The following RFT1 variants were observed in gnomAD, a reference collection of about 807,000 sequenced individuals.
RFT1 encodes man(5)GlcNAc(2)-PP-dolichol translocation protein RFT1.
Under a neutral mutation model 62.2 loss-of-function variants are expected in RFT1, and 43 were observed. The ratio of observed to expected loss-of-function variants is 0.69; its 90% CI spans 0.54 to 0.89. The LOEUF is 0.89. Ranked by LOEUF, RFT1 falls within the 40% of genes least tolerant of loss-of-function variation. The pLI is 0.00. For missense variants in RFT1, 605 were observed against 649.9 expected, an observed-to-expected ratio of 0.93 and a Z score of 0.75; for synonymous variants, 262 against 264.6, an observed-to-expected ratio of 0.99 and a Z score of 0.10.
chr3:53,093,653 GGAGGATTGCTT>G (rs1701058743), intron 11 of RFT1, among the ~76,000 whole-genome samples: 1 of 152,072 alleles, frequency 6.6e-6, no homozygotes, highest in Non-Finnish European at 1.5e-5. Context: ...TGAAGTGGTG[GGAGGATTGCTT>G]GAGGCCAGGA....
intron 6 of RFT1, among the ~76,000 whole-genome samples, chr3:53,112,586 T>C (rs1160222250): frequency 6.6e-6 from 1 of 152,026 alleles, no homozygotes; most frequent in Non-Finnish European, 1.5e-5. Flanking sequence ...CTACTAAAAA[T>C]ACAAAAATTA....
At chr3:53,073,359 C>A in the RFT1 span, among the ~76,000 whole-genome samples, 1 of 152,218 alleles carries the variant, frequency 6.6e-6, no homozygotes, top group Admixed American at 6.5e-5. Context: ...CCTCTGGACA[C>A]CCCCACCTGT....
chr3:53,086,909 G>A (rs1342149559), downstream of RFT1, among the ~76,000 whole-genome samples: 1 of 152,118 alleles, frequency 6.6e-6, no homozygotes, highest in Non-Finnish European at 1.5e-5. Flanking sequence ...ACTTGCCATC[G>A]GTGCCTGGCC....
At chr3:53,085,072 G>C (rs142350413), downstream of RFT1, among the ~76,000 whole-genome samples, 5 of 142,644 alleles carry the variant, frequency 3.5e-5, no homozygotes, top group African/African-American at 1.2e-4. Context: ...AAGCAAGGAG[G>C]AGGGAGGGGG....
chr3:53,121,555 A>T (rs1020332620), intron 5 of RFT1, 144 bp downstream of exon 5: 1 of 696,940 alleles, frequency 1.4e-6, no homozygotes. Flanking sequence ...CTAGAGAAGC[A>T]GTGCTAAGGC....
At chr3:53,111,287 T>A (rs1006299791) in intron 7 of RFT1, among the ~76,000 whole-genome samples, 1 of 151,812 alleles carries the variant, frequency 6.6e-6, no homozygotes, top group African/African-American at 2.4e-5. Flanking sequence ...GCACCTATAG[T>A]CCCAGCTACT....
At chr3:53,080,253 G>A in the RFT1 span, among the ~76,000 whole-genome samples, 2 of 152,180 alleles carry the variant, frequency 1.3e-5, no homozygotes, top group African/African-American at 4.8e-5. Flanking sequence ...GGAGGTGTGC[G>A]GAATGTGTGT....
the RFT1 span, among the ~76,000 whole-genome samples, chr3:53,079,912 T>C: frequency 1.4e-5 from 2 of 146,980 alleles, no homozygotes; most frequent in Non-Finnish European, 2.9e-5. Context: ...GGTGAGGACA[T>C]TGGCAATTGG....
chr3:53,083,200 CAAAAA>C, the RFT1 span, among the ~76,000 whole-genome samples: 1 of 39,402 alleles, frequency 2.5e-5, no homozygotes, highest in Non-Finnish European at 4.1e-5. Context: ...GATTCCATCT[CAAAAA>C]AAAAAAAAAA....
chr3:53,072,297 C>T, the RFT1 span, among the ~76,000 whole-genome samples: 2 of 152,246 alleles, frequency 1.3e-5, no homozygotes, highest in African/African-American at 4.8e-5. Flanking sequence ...GAACCCTGGT[C>T]CACCCTTGCT....
the RFT1 span, among the ~76,000 whole-genome samples, chr3:53,080,337 C>T: frequency 6.6e-6 from 1 of 152,190 alleles, no homozygotes; most frequent in African/African-American, 2.4e-5. Context: ...AGGCTAAGGA[C>T]ACCTCAAATC....
At chr3:53,086,408 C>T (rs1338395945), downstream of RFT1, among the ~76,000 whole-genome samples, 2 of 152,092 alleles carry the variant, frequency 1.3e-5, no homozygotes, top group Admixed American at 6.5e-5. Context: ...CTCTGCCTCC[C>T]GGGTTCAAGT....
At chr3:53,069,894 C>A in the RFT1 span, among the ~76,000 whole-genome samples, 2 of 152,200 alleles carry the variant, frequency 1.3e-5, no homozygotes, top group Admixed American at 6.5e-5. Flanking sequence ...GTGGCAATTA[C>A]AAGGACTGAG....
chr3:53,092,588 G>A lies in RFT1; in HGVS notation c.1239C>T (p.Ser413=), dbSNP rs373979457. 1 of 1,612,294 alleles carries A rather than the reference G, an allele frequency of 6.2e-7. No individual in the cohort carries two copies. Among genetic ancestry groups the A allele is most frequent in the Admixed American group, 1.7e-5 (1 of 59,792 alleles). The change falls in exon 12 of 13, where the codon TCC becomes TCT. Residue 413 remains serine (S), a synonymous_variant. Transcript: ENST00000296292. ...RYNFVMLALS[S]SFLVLSYLLT... ...AGAGATAGGATAACACCAGGAATGA[G>A]GAGGACAGGGCCAGCATCACAAAAT...
downstream of RFT1, among the ~76,000 whole-genome samples, chr3:53,087,784 G>A (rs1013188005): frequency 5.3e-5 from 8 of 152,346 alleles, no homozygotes; most frequent in Admixed American, 3.9e-4. Flanking sequence ...GCCTCCGAAA[G>A]TGTTGAGATT....
chr3:53,119,838 C>A, intron 6 of RFT1, 46 bp downstream of exon 6: 1 of 1,517,938 alleles, frequency 6.6e-7, no homozygotes, highest in Non-Finnish European at 9.0e-7. Flanking sequence ...CAAGGATAAG[C>A]AGCACCTATG....
intron 10 of RFT1, 85 bp downstream of exon 10, chr3:53,103,868 T>C: frequency 6.5e-7 from 1 of 1,528,364 alleles, no homozygotes; most frequent in Non-Finnish European, 9.1e-7. Flanking sequence ...AGATAACAAC[T>C]GTGTGTGCAC....
At position 53,091,450 on chromosome 3, in the gene RFT1, T is replaced by TGA; in HGVS notation, c.*451_*452dup. ...CCACACTCTGTTTCCATGTGGTGCA[T>TGA]GAGAGAGAGAGGTTTCTCTCTCTCT... On this transcript the variant is annotated 3_prime_UTR_variant, in exon 13 of 13. Transcript: ENST00000296292. The TGA allele has an allele frequency of 5.0e-6, 1 of 201,614 alleles. No homozygotes were observed. The highest frequency in any genetic ancestry group is 1.0e-5 in the Non-Finnish European group (1 of 96,354). The allele number at this position is 201,614 out of a possible 1,614,324, so 12.5% of individuals were successfully genotyped here.
chr3:53,124,330 C>T (rs775640762), intron 2 of RFT1, among the ~76,000 whole-genome samples: 7 of 152,172 alleles, frequency 4.6e-5, no homozygotes, highest in Non-Finnish European at 1.0e-4. Flanking sequence ...CAAGGCGTGC[C>T]TGGGTACCTC....
Sources: allele counts gnomAD v4.1 joint callset (sites outside exome capture counted in the v4.1 genomes callset), GRCh38; gene constraint gnomAD v4.1.1; transcripts MANE v1.5; gene names NCBI Gene and HGNC (gene_info 2026-07-23, HGNC 2026-07-21).